The following GLRA3 variants were observed in gnomAD, a reference collection of about 807,000 sequenced individuals.
The protein encoded by GLRA3 is glycine receptor subunit alpha-3.
GLRA3 carries 44 observed loss-of-function variants against 60.4 expected under a neutral mutation model. The ratio of observed to expected loss-of-function variants is 0.73; its 90% confidence interval spans 0.57 to 0.94. GLRA3 has a LOEUF of 0.94. Among genes scored for constraint, GLRA3 ranks in the 40% least tolerant of loss-of-function variants. GLRA3 has a pLI of 0.00. For missense variants in GLRA3, 508 were observed against 564.6 expected (o/e 0.90, Z 1.02); for synonymous variants, 223 against 192.9 (o/e 1.16, Z -1.29).
intron 1 of GLRA3, among the ~76,000 whole-genome samples, chr4:174,802,993 T>G (rs190418944): frequency 1.7e-3 from 256 of 152,138 alleles, no homozygotes; most frequent in Non-Finnish European, 2.5e-3. Context: ...CATATTTGAG[T>G]GTGAAGACTT....
intron 9 of GLRA3, among the ~76,000 whole-genome samples, chr4:174,653,914 C>A (rs1259814402): frequency 1.3e-5 from 2 of 152,070 alleles, no homozygotes; most frequent in East Asian, 1.9e-4. Context: ...TTAACATAAA[C>A]TAAATATCTA....
At chr4:174,728,351 GA>G (rs1188092018) in intron 4 of GLRA3, 123 bp downstream of exon 4, 1 of 601,674 alleles carries the variant, frequency 1.7e-6, no homozygotes, top group Non-Finnish European at 3.0e-6. Context: ...TCTATTAGAG[GA>G]ACTGAAGTGC....
chr4:174,726,652 C>A (rs560788005), intron 4 of GLRA3, among the ~76,000 whole-genome samples: 1 of 152,280 alleles, frequency 6.6e-6, no homozygotes, highest in East Asian at 1.9e-4. Context: ...AATTCACCTC[C>A]ACGTTGTTCC....
At chr4:174,797,584 C>A (rs970671356) in intron 1 of GLRA3, among the ~76,000 whole-genome samples, 4 of 151,924 alleles carry the variant, frequency 2.6e-5, no homozygotes, top group African/African-American at 9.7e-5. Flanking sequence ...TGGCAGAAAC[C>A]AATTCATTCA....
intron 6 of GLRA3, among the ~76,000 whole-genome samples, chr4:174,679,224 A>C (rs1481995278): frequency 6.6e-6 from 1 of 152,014 alleles, no homozygotes; most frequent in Admixed American, 6.6e-5. Context: ...CCAGCTACTC[A>C]GGGGGCTGAG....
rs763884444 is a variant in GLRA3 at position 174,643,777 on chromosome 4, C to T, written c.*9G>A. The T allele has an allele frequency of 6.2e-7, 1 of 1,609,122 alleles. No individual in the cohort carries two copies. On this transcript the variant is annotated 3_prime_UTR_variant, in exon 10 of 10. Coordinates refer to ENST00000274093, the MANE Select transcript of GLRA3 (RefSeq NM_006529.4). ...AATTGACCATTTGCATTTGCATGCC[C>T]CCAGAGACTTAATCTTGCTGCTGAT... is the stretch of plus-strand genomic sequence containing the variant.
In GLRA3 at chr4:174,788,847, T is replaced by C; in HGVS notation, c.168A>G (p.Gly56=). Residue 56 remains glycine, a synonymous_variant, in exon 2 of 10, where the codon GGA becomes GGG. Transcript: ENST00000274093. ...FLDKLMGRTS[G]YDARIRPNFK... ...AATTGGGTCTGATTCTTGCATCATA[T>C]CCTGATGTCCTGCCCATTAATTTAT... 1 of 1,607,928 alleles carries C rather than the reference T, an allele frequency of 6.2e-7. No individual in the cohort carries two copies. The highest frequency in any genetic ancestry group is 8.5e-7 in the Non-Finnish European group (1 of 1,175,642).
chr4:174,788,485 T>G (rs1739202302), intron 2 of GLRA3, among the ~76,000 whole-genome samples: 1 of 151,342 alleles, frequency 6.6e-6, no homozygotes, highest in African/African-American at 2.4e-5. Flanking sequence ...GAAGCTTCCA[T>G]TCCAGTTAGA....
chr4:174,671,457 A>G (rs1167854765), intron 7 of GLRA3, among the ~76,000 whole-genome samples: 1 of 152,002 alleles, frequency 6.6e-6, no homozygotes, highest in East Asian at 1.9e-4. Context: ...TAAATCCTTC[A>G]TTTTTCTTCC....
At position 174,646,482 on chromosome 4, in the gene GLRA3, G is replaced by A. The variant is rs182588987; in HGVS notation, c.1117-2418C>T. ...ATAAGCTACAGGGGGAATTGGAGTC[G>A]GCCTTTTTTACTGTGAGGGGCTGCA... On this transcript the variant is annotated intron_variant, in intron 9 of 9. Transcript: ENST00000274093. Among the ~76,000 whole-genome samples, 45 of 152,186 alleles carry A rather than the reference G, an allele frequency of 3.0e-4. 1 individual carries two copies. The highest frequency in any genetic ancestry group is 1.0e-3 in the African/African-American group (42 of 41,536).
At chr4:174,815,386 T>A (rs1416061002) in intron 1 of GLRA3, among the ~76,000 whole-genome samples, 4 of 152,190 alleles carry the variant, frequency 2.6e-5, no homozygotes, top group Non-Finnish European at 4.4e-5. Context: ...TGGAAGATGG[T>A]GGCCCTCTTC....
Position 174,757,338 on chromosome 4 carries a change from A to T in GLRA3, c.267+9625T>A, listed in dbSNP as rs182297652. Among the ~76,000 whole-genome samples, 12 of 152,028 alleles carry T rather than the reference A, an allele frequency of 7.9e-5. No homozygotes were observed. The East Asian group carries it at 2.1e-3, about 27-fold the overall frequency. On this transcript the variant is annotated intron_variant, in intron 3 of 9. Transcript: ENST00000274093. ...TGCTGTGAAGCCTAGACGCAATGAA[A>T]CCTCTGTAGCAATGAACACATCTGG... is the stretch of plus-strand genomic sequence containing the variant.
intron 5 of GLRA3, among the ~76,000 whole-genome samples, chr4:174,702,168 C>T (rs1735344318): frequency 6.6e-6 from 1 of 152,106 alleles, no homozygotes; most frequent in Non-Finnish European, 1.5e-5. Flanking sequence ...AAGTAATTTC[C>T]ACAGCCATGC....
intron 5 of GLRA3, among the ~76,000 whole-genome samples, chr4:174,709,967 CTTT>C (rs5864286): frequency 4.9e-5 from 7 of 142,048 alleles, no homozygotes; most frequent in Admixed American, 7.1e-5. Flanking sequence ...TGTTGATTTT[CTTT>C]TTTTTTTTTT....
chr4:174,817,579 A>G (rs1324589256), intron 1 of GLRA3, among the ~76,000 whole-genome samples: 1 of 152,142 alleles, frequency 6.6e-6, no homozygotes, highest in Non-Finnish European at 1.5e-5. Context: ...TTTTAGAAAC[A>G]AAGATAGATA....
intron 5 of GLRA3, among the ~76,000 whole-genome samples, chr4:174,711,063 G>A (rs1489500967): frequency 6.6e-6 from 1 of 151,708 alleles, no homozygotes; most frequent in Non-Finnish European, 1.5e-5. Flanking sequence ...TTTCATTCCA[G>A]TTATACAAGT....
intron 2 of GLRA3, among the ~76,000 whole-genome samples, chr4:174,776,925 A>C (rs1738626507): frequency 6.6e-6 from 1 of 152,200 alleles, no homozygotes; most frequent in African/African-American, 2.4e-5. Flanking sequence ...AATCTCCCTA[A>C]ACATTCACAA....
At chr4:174,729,417 G>A (rs1369750205) in intron 3 of GLRA3, among the ~76,000 whole-genome samples, 3 of 152,006 alleles carry the variant, frequency 2.0e-5, no homozygotes, top group Non-Finnish European at 4.4e-5. Flanking sequence ...AGTAATTTGA[G>A]AAAAATAAAA....
At chr4:174,699,093 G>T (rs779924712) in intron 5 of GLRA3, among the ~76,000 whole-genome samples, 1 of 151,686 alleles carries the variant, frequency 6.6e-6, no homozygotes, top group Non-Finnish European at 1.5e-5. Flanking sequence ...CACTTCCCAG[G>T]TTCAAGTGAT....
Sources: allele counts gnomAD v4.1 joint callset (sites outside exome capture counted in the v4.1 genomes callset), GRCh38; gene constraint gnomAD v4.1.1; transcripts MANE v1.5; gene names NCBI Gene and HGNC (gene_info 2026-07-23, HGNC 2026-07-21).